The following ACTA2 variants were observed in gnomAD, a reference collection of about 807,000 sequenced individuals.
The protein encoded by ACTA2 is actin alpha 2, smooth muscle.
In ACTA2, 12 loss-of-function variants were observed where a neutral mutation model predicts 39.5. The ratio of observed to expected loss-of-function variants is 0.30; its 90% CI spans 0.19 to 0.49. The LOEUF is 0.49. Among genes scored for constraint, ACTA2 ranks in the 20% least tolerant of loss-of-function variants. ACTA2 has a pLI of 0.99. For missense variants in ACTA2, 236 were observed against 498.8 expected (o/e 0.47, Z 5.02); for synonymous variants, 158 against 180.6 (o/e 0.88, Z 1.00).
rs904877578 is a variant in ACTA2, at chr10:88,941,985, G to A, written c.370-116C>T. 1.2e-5 allele frequency: 11 copies of A among 925,008 alleles called. No individual in the cohort carries two copies. In the African/African-American group the frequency reaches 1.6e-4, roughly 14 times the overall value. The allele number at this position is 925,008 out of a possible 1,614,324, so 57.3% of individuals were successfully genotyped here. A position where few individuals can be genotyped will look rare whatever the true frequency, so the allele number is the denominator to read the frequency against. ...GGCCTGACCTGTTCTGGGCAGAGGA[G>A]GCCAAAGTAAGGAGGTTCAGAACAG... On this transcript the variant is annotated intron_variant, in intron 4 of 8. Coordinates refer to ENST00000224784, the MANE Select transcript of ACTA2 (RefSeq NM_001613.4).
chr10:88,935,356 G>T lies in ACTA2; in HGVS notation c.1001C>A (p.Pro334His). ...CCAGACAGAGTATTTGCGCTCCGGA[G>T]GGGCAATGATCTGTCAGTCAAGATG... ...PSTMKIKIIAPPERKYSVWIG... is the reference protein window; with the variant it reads ...PSTMKIKIIAHPERKYSVWIG... Residue 334 changes from proline (P) to histidine (H), a missense_variant, in exon 9 of 9, where the codon CCT (proline) becomes CAT (histidine). Transcript: ENST00000224784. The T allele has an allele frequency of 6.2e-7, 1 of 1,613,840 alleles. No individual in the cohort carries two copies. The highest frequency in any genetic ancestry group is 8.5e-7 in the Non-Finnish European group (1 of 1,179,786).
chr10:88,991,108 C>A, exon 1 of ACTA2: 1 of 653,888 alleles, frequency 1.5e-6, no homozygotes, highest in Non-Finnish European at 2.7e-6. Flanking sequence ...GTGCTCAGAA[C>A]GCTGGAGGAC....
intron 6 of ACTA2, 71 bp downstream of exon 6, chr10:88,941,158 G>A (rs1420762508): frequency 1.9e-6 from 3 of 1,591,326 alleles, no homozygotes; most frequent in Non-Finnish European, 2.6e-6. Flanking sequence ...TCCTTGGATA[G>A]TGAGGATGGT....
intron 1 of ACTA2, among the ~76,000 whole-genome samples, chr10:88,982,854 T>C (rs1338381349): frequency 6.6e-6 from 1 of 152,172 alleles, no homozygotes; most frequent in Non-Finnish European, 1.5e-5. Flanking sequence ...AGAAATGCTG[T>C]AATAATAATA....
chr10:88,988,189 G>A (rs1161201055), intron 1 of ACTA2, among the ~76,000 whole-genome samples: 1 of 152,152 alleles, frequency 6.6e-6, no homozygotes, highest in Non-Finnish European at 1.5e-5. Context: ...AAATAGTTAA[G>A]AAGAGGGGAG....
chr10:88,939,651 C>G lies in ACTA2; in HGVS notation c.664G>C (p.Ala222Pro). Residue 222 changes from alanine to proline, a missense_variant, in exon 7 of 9, where the codon GCT becomes CCT. Ala to Pro is a conservative substitution (Grantham distance 27). Coordinates refer to ENST00000224784, the MANE Select transcript of ACTA2 (RefSeq NM_001613.4). ...GCCATCTCATTTTCAAAGTCCAGAGCTACATAACACAGTTTCTCCTTGATG... is the reference window on the plus strand; with the variant it reads ...GCCATCTCATTTTCAAAGTCCAGAGGTACATAACACAGTTTCTCCTTGATG... Reference protein sequence around the residue: ...RDIKEKLCYVALDFENEMATA... With the variant: ...RDIKEKLCYVPLDFENEMATA... 1 of 1,614,054 alleles carries G rather than the reference C, an allele frequency of 6.2e-7. No homozygotes were observed. The highest frequency in any genetic ancestry group is 8.5e-7 in the Non-Finnish European group (1 of 1,179,970).
At chr10:88,956,193 A>G (rs564846105), upstream of ACTA2, among the ~76,000 whole-genome samples, 1 of 152,200 alleles carries the variant, frequency 6.6e-6, no homozygotes. Context: ...TGAAAAACTT[A>G]CTGGCCTCAA....
At chr10:88,962,390 T>A (rs1564653201) in intron 1 of ACTA2, among the ~76,000 whole-genome samples, 1 of 152,136 alleles carries the variant, frequency 6.6e-6, no homozygotes, top group African/African-American at 2.4e-5. Context: ...CAATAGGTAA[T>A]TAAATAATAA....
chr10:88,973,179 T>C (rs760355829), intron 1 of ACTA2: 4 of 1,612,110 alleles, frequency 2.5e-6, no homozygotes, highest in East Asian at 2.2e-5. Flanking sequence ...GTGTGACCTA[T>C]AGATTCAGAA....
chr10:88,947,460 G>A, intron 2 of ACTA2, 74 bp from the exon 3 acceptor site: 1 of 1,599,818 alleles, frequency 6.3e-7, no homozygotes, highest in Non-Finnish European at 8.5e-7. Flanking sequence ...GCCACAAAAG[G>A]TTAAGTCATT....
At chr10:88,965,448 C>T (rs903682000) in intron 1 of ACTA2, among the ~76,000 whole-genome samples, 1 of 152,160 alleles carries the variant, frequency 6.6e-6, no homozygotes, top group African/African-American at 2.4e-5. Context: ...AAGGGACATT[C>T]TCTGGCTGTA....
chr10:88,989,580 G>GT (rs774151958), intron 1 of ACTA2: 3 of 540,288 alleles, frequency 5.6e-6, no homozygotes, highest in South Asian at 2.8e-5. Flanking sequence ...AAGACTGGTG[G>GT]TAAGTGCAGT....
chr10:88,964,169 T>C (rs1032622062), intron 1 of ACTA2, among the ~76,000 whole-genome samples: 27 of 152,246 alleles, frequency 1.8e-4, no homozygotes, highest in African/African-American at 6.5e-4. Context: ...TTGCATTGTA[T>C]GGGAGGAAAA....
chr10:88,935,498 G>T, intron 8 of ACTA2, 132 bp from the exon 9 acceptor site: 1 of 998,176 alleles, frequency 1.0e-6, no homozygotes, highest in Non-Finnish European at 1.6e-6. Context: ...TTGTCTGTTA[G>T]ATGCCAATTG....
chr10:88,990,958 T>C lies in ACTA2; in HGVS notation c.-43A>G, dbSNP rs1424833206. The C allele has an allele frequency of 1.9e-6, 3 of 1,612,846 alleles. No homozygotes were observed. The highest frequency in any genetic ancestry group is 1.7e-6 in the Non-Finnish European group (2 of 1,179,028). ...GCTTACCCCGTCTTAGTCCCGGGGA[T>C]AGGCAAAGTGGGGCGGGCGCGGGAC... On this transcript the variant is annotated 5_prime_UTR_variant, in exon 1 of 5. Coordinates refer to the ACTA2 transcript ENST00000415557. The surrounding 1 kb of genome is among the most constrained non-coding windows in gnomAD (Gnocchi z 4.9).
rs41284112 is a variant in ACTA2 at position 88,943,708 on chromosome 10, C to T, written c.369+89G>A. On this transcript the variant is annotated intron_variant, in intron 4 of 8. Transcript: ENST00000224784. ...TAGTCTGTTGGTGGACTCCTAGCTC[C>T]GGCCTTCTCTCTGCTGTGCTGCATA... 27,490 of 1,102,838 alleles carry T rather than the reference C, an allele frequency of 0.025. 590 individuals are homozygous for T. Among genetic ancestry groups the T allele is most frequent in the South Asian group, 0.08 (6,353 of 79,332 alleles). The allele number at this position is 1,102,838 out of a possible 1,614,324, so 68.3% of individuals were successfully genotyped here. A position where few individuals can be genotyped will look rare whatever the true frequency, so the allele number is the denominator to read the frequency against.
chr10:88,959,957 G>A (rs1846200395), intron 1 of ACTA2, among the ~76,000 whole-genome samples: 1 of 152,178 alleles, frequency 6.6e-6, no homozygotes, highest in South Asian at 2.1e-4. Context: ...GACCCTAGAG[G>A]TAAGTTGCTA....
chr10:88,969,247 T>C (rs1009638853), intron 1 of ACTA2, among the ~76,000 whole-genome samples: 1 of 152,224 alleles, frequency 6.6e-6, no homozygotes, highest in Non-Finnish European at 1.5e-5. Context: ...ATGTCCAAAT[T>C]ACCTTGCCAT....
intron 6 of ACTA2, 23 bp from the exon 7 acceptor site, chr10:88,939,721 G>A (rs1845813378): frequency 1.2e-6 from 2 of 1,613,516 alleles, no homozygotes; most frequent in African/African-American, 1.3e-5. Flanking sequence ...TACAAACATT[G>A]TGGCAAACAT....
Sources: allele counts gnomAD v4.1 joint callset (sites outside exome capture counted in the v4.1 genomes callset), GRCh38; gene constraint gnomAD v4.1.1; non-coding constraint Gnocchi (gnomAD v3.1); transcripts MANE v1.5; gene names NCBI Gene and HGNC (gene_info 2026-07-23, HGNC 2026-07-21).